Variants in CEP85L observed in about 807,000 individuals in gnomAD.
CEP85L encodes centrosomal protein 85L.
A neutral mutation model predicts 100.3 loss-of-function variants in CEP85L; 60 were observed. The observed-to-expected ratio is 0.60, with a 90% CI of 0.49 to 0.74. The LOEUF (loss-of-function observed/expected upper bound fraction) is 0.74. Among genes scored for constraint, CEP85L ranks in the 30% least tolerant of loss-of-function variants. The pLI, the probability that CEP85L is intolerant of heterozygous loss-of-function variation, is 0.00. For synonymous variants in CEP85L, 319 were observed against 322.7 expected (o/e 0.99, Z 0.12); for missense variants, 973 against 936.2 (o/e 1.04, Z -0.51).
chr6:118,600,801 T>TTAA (rs369727518), intron 2 of CEP85L, among the ~76,000 whole-genome samples: 66 of 147,090 alleles, frequency 4.5e-4, no homozygotes, highest in African/African-American at 5.8e-4. Context: ...TTGTCTTTTT[T>TTAA]AAAAAAAAAA....
At chr6:118,568,237 T>C (rs1779665952) in intron 2 of CEP85L, among the ~76,000 whole-genome samples, 1 of 152,194 alleles carries the variant, frequency 6.6e-6, no homozygotes, top group Non-Finnish European at 1.5e-5. Context: ...GACAGCTTAG[T>C]GGTGGAAGAC....
At chr6:118,654,046 T>A (rs1365630036), upstream of CEP85L, among the ~76,000 whole-genome samples, 1 of 152,196 alleles carries the variant, frequency 6.6e-6, no homozygotes, top group Non-Finnish European at 1.5e-5. Flanking sequence ...TTTTTCTGAT[T>A]CAAATTTATC....
At chr6:118,648,739 C>CAAAA (rs11442696) in intron 1 of CEP85L, among the ~76,000 whole-genome samples, 1 of 73,310 alleles carries the variant, frequency 1.4e-5, no homozygotes, top group Non-Finnish European at 3.0e-5. Context: ...AAGACTGTCT[C>CAAAA]AAAAAAAAAA....
intron 11 of CEP85L, 61 bp downstream of exon 11, chr6:118,470,476 T>C (rs914829452): frequency 2.1e-6 from 2 of 939,114 alleles, no homozygotes; most frequent in African/African-American, 3.4e-5. Flanking sequence ...TTAATATCTA[T>C]AAAATAAGCA....
intron 3 of CEP85L, among the ~76,000 whole-genome samples, chr6:118,551,885 C>T (rs1027519028): frequency 2.6e-5 from 4 of 151,982 alleles, no homozygotes; most frequent in African/African-American, 4.8e-5. Context: ...CTGGAGTGAA[C>T]TTTTGTAAGC....
intron 3 of CEP85L, chr6:118,559,583 T>G (rs1246517315): frequency 5.6e-6 from 1 of 177,538 alleles, no homozygotes; most frequent in African/African-American, 2.4e-5. Context: ...TCCTCACATC[T>G]GTTATCTTAT....
intron 1 of CEP85L, among the ~76,000 whole-genome samples, chr6:118,644,166 CT>C (rs1268987465): frequency 6.6e-6 from 1 of 152,162 alleles, no homozygotes; most frequent in Non-Finnish European, 1.5e-5. Context: ...GATGCATTTT[CT>C]TCTGACTCAT....
intron 2 of CEP85L, among the ~76,000 whole-genome samples, chr6:118,629,311 A>G (rs758259517): frequency 4.6e-5 from 7 of 152,206 alleles, no homozygotes; most frequent in Non-Finnish European, 8.8e-5. Flanking sequence ...CCAAATATAC[A>G]AAGAACTCTA....
intron 1 of CEP85L, among the ~76,000 whole-genome samples, chr6:118,708,175 T>A (rs1469812958): frequency 6.6e-6 from 1 of 152,244 alleles, no homozygotes; most frequent in Non-Finnish European, 1.5e-5. Flanking sequence ...TATATTGCCA[T>A]CACTTCACAG....
At chr6:118,581,391 G>T (rs1780569194) in intron 2 of CEP85L, among the ~76,000 whole-genome samples, 1 of 152,066 alleles carries the variant, frequency 6.6e-6, no homozygotes, top group Non-Finnish European at 1.5e-5. Context: ...CATTAAAGGG[G>T]CCTTCCCCAA....
chr6:118,693,629 A>C (rs1189799524), intron 1 of CEP85L, among the ~76,000 whole-genome samples: 1 of 152,238 alleles, frequency 6.6e-6, no homozygotes, highest in East Asian at 1.9e-4. Context: ...TGCACTGTCC[A>C]GGACAGCAAA....
intron 3 of CEP85L, among the ~76,000 whole-genome samples, chr6:118,564,131 CT>C (rs200939100): frequency 0.16 from 25,084 of 152,070 alleles, 2,208 homozygotes; most frequent in Non-Finnish European, 0.19. Flanking sequence ...CCCTACCCTC[CT>C]CTGCATTGCT....
chr6:118,671,582 G>A (rs561133953), intron 1 of CEP85L, among the ~76,000 whole-genome samples: 100 of 152,212 alleles, frequency 6.6e-4, no homozygotes, highest in Middle Eastern at 3.4e-3. Flanking sequence ...ATATCTCCAG[G>A]TCAGTGTTGT....
At chr6:118,600,304 T>G (rs866990307) in intron 2 of CEP85L, among the ~76,000 whole-genome samples, 1,219 of 26,846 alleles carry the variant, frequency 0.045, 215 homozygotes, top group Non-Finnish European at 0.075. Context: ...CCTGGGGGTG[T>G]GTGTGTGTGT....
intron 1 of CEP85L, among the ~76,000 whole-genome samples, chr6:118,669,778 G>A (rs9481844): frequency 0.21 from 31,135 of 151,484 alleles, 3,284 homozygotes; most frequent in African/African-American, 0.23. Context: ...CTAAACCCCT[G>A]TAATTCCCTG....
intron 5 of CEP85L, among the ~76,000 whole-genome samples, chr6:118,497,712 A>G (rs1284292797): frequency 6.6e-6 from 1 of 152,320 alleles, no homozygotes; most frequent in Admixed American, 6.5e-5. Context: ...TTTTGTGGCC[A>G]GTATATCTGC....
chr6:118,642,702 T>C (rs1235305628), intron 1 of CEP85L, among the ~76,000 whole-genome samples: 3 of 152,020 alleles, frequency 2.0e-5, no homozygotes, highest in African/African-American at 7.2e-5. Flanking sequence ...TCACCTAAGG[T>C]CAGGAGTTCG....
chr6:118,630,100 A>G (rs1774048392), intron 2 of CEP85L, among the ~76,000 whole-genome samples: 1 of 152,172 alleles, frequency 6.6e-6, no homozygotes, highest in Non-Finnish European at 1.5e-5. Context: ...TACATATAGA[A>G]CCTAACTACA....
intron 5 of CEP85L, chr6:118,501,585 A>G (rs954069689): frequency 1.6e-5 from 9 of 557,156 alleles, no homozygotes; most frequent in Non-Finnish European, 3.1e-5. Context: ...GAACTAACGG[A>G]TAACTTCAAA....
Sources: allele counts gnomAD v4.1 joint callset (sites outside exome capture counted in the v4.1 genomes callset), GRCh38; gene constraint gnomAD v4.1.1; transcripts MANE v1.5; gene names NCBI Gene and HGNC (gene_info 2026-07-23, HGNC 2026-07-21).